The following ODF2 variants were observed in gnomAD, a reference collection of about 807,000 sequenced individuals.
ODF2 encodes outer dense fiber of sperm tails 2.
A neutral mutation model predicts 110.2 loss-of-function variants in ODF2; 47 were observed. The observed-to-expected ratio is 0.43, with a 90% CI of 0.34 to 0.54. The LOEUF (loss-of-function observed/expected upper bound fraction) is 0.54. ODF2 is among the 20% of genes least tolerant of loss of function. The pLI, the probability that ODF2 is intolerant of heterozygous loss-of-function variation, is 0.03. For synonymous variants in ODF2, 352 were observed against 397.7 expected (o/e 0.89, Z 1.37); for missense variants, 812 against 1,054.5 (o/e 0.77, Z 3.19).
At chr9:128,482,523 G>C (rs1006180414) in intron 9 of ODF2, among the ~76,000 whole-genome samples, 1 of 151,992 alleles carries the variant, frequency 6.6e-6, no homozygotes, top group Non-Finnish European at 1.5e-5. Context: ...GCATTAACTG[G>C]TTATCTCTGC....
At chr9:128,495,914 T>C in intron 17 of ODF2, 127 bp from the exon 18 acceptor site, 1 of 1,096,080 alleles carries the variant, frequency 9.1e-7, no homozygotes, top group Non-Finnish European at 1.3e-6. Context: ...AGGTTGTGCG[T>C]TGAGACTTGG....
chr9:128,460,886 G>T (rs1408962773), intron 3 of ODF2, 56 bp from the exon 4 acceptor site: 4 of 1,611,924 alleles, frequency 2.5e-6, no homozygotes, highest in Non-Finnish European at 3.4e-6. Flanking sequence ...TGTCACTAGC[G>T]TGGCACCGTG....
chr9:128,459,559 G>C lies in ODF2; in HGVS notation c.33-8G>C. On this transcript the variant is annotated splice_region_variant and splice_polypyrimidine_tract_variant and intron_variant, in intron 2 of 20. Transcript: ENST00000604420. ...TGCTTACAATCTGGTTCTTGTGCCT[G>C]GGTGCAGGTTTCCATCGTGTGGGAA... 1 of 1,612,024 alleles carries C rather than the reference G, an allele frequency of 6.2e-7. No homozygotes were observed. The highest frequency in any genetic ancestry group is 1.1e-5 in the South Asian group (1 of 90,782).
Position 128,494,910 on chromosome 9 carries a change from G to T in ODF2, c.1911+242G>T. On this transcript the variant is annotated intron_variant, in intron 17 of 20. Transcript: ENST00000604420. This position sits in a 1 kb window ranked among gnomAD's most constrained non-coding sequence, Gnocchi z 4.6. ...CGTGGAGTCACTGGGCCCTCCTGCT[G>T]TTGCCCCCACCCAAGACTGCTGCCT... 1.5e-6 allele frequency: 2 copies of T among 1,337,042 alleles called. No individual in the cohort carries two copies. The highest frequency in any genetic ancestry group is 1.5e-5 in the South Asian group (1 of 65,822). The allele number at this position is 1,337,042 out of a possible 1,614,324, so 82.8% of individuals were successfully genotyped here.
chr9:128,498,570 A>G lies in ODF2; in HGVS notation c.2170A>G (p.Arg724Gly), dbSNP rs767653816. ...GGAGAGTGCCATTGAAGATGCGAGG[A>G]GGCAGGTCAGTCCCGATTTCATGAA... The change falls in exon 19 of 21, where the codon AGG becomes GGG. Residue 724 changes from arginine to glycine, a missense_variant. Physicochemically the swap from Arg to Gly is moderately radical, Grantham distance 125. Transcript: ENST00000604420. The G allele has an allele frequency of 1.5e-5, 24 of 1,552,518 alleles. No homozygotes were observed. The highest frequency in any genetic ancestry group is 6.8e-5 in the East Asian group (3 of 44,118).
intron 1 of ODF2, 100 bp downstream of exon 1, chr9:128,456,355 C>A: frequency 7.0e-7 from 1 of 1,434,492 alleles, no homozygotes; most frequent in Non-Finnish European, 9.1e-7. Flanking sequence ...GCGGGGCCGT[C>A]GGGTCCTGGG....
chr9:128,459,349 AAGTCC>A (rs1835799501), intron 2 of ODF2, among the ~76,000 whole-genome samples: 1 of 152,102 alleles, frequency 6.6e-6, no homozygotes, highest in South Asian at 2.1e-4. Context: ...GATATGTTAA[AAGTCC>A]AGCCTGCAAA....
chr9:128,485,508 T>G lies in ODF2; in HGVS notation c.1400+34T>G. The G allele has an allele frequency of 8.2e-7, 1 of 1,224,286 alleles. No individual in the cohort carries two copies. The highest frequency in any genetic ancestry group is 1.2e-6 in the Non-Finnish European group (1 of 832,278). The allele number at this position is 1,224,286 out of a possible 1,614,324, so 75.8% of individuals were successfully genotyped here. On this transcript the variant is annotated intron_variant, in intron 13 of 20. Transcript: ENST00000604420. This position sits in a 1 kb window ranked among gnomAD's most constrained non-coding sequence, Gnocchi z 5.0. ...TAGAGTAGGAGAGGGAATGTGGCGCTGTTGAGGGACTTGGGTGTGCAGGTG... is the reference window on the plus strand; with the variant it reads ...TAGAGTAGGAGAGGGAATGTGGCGCGGTTGAGGGACTTGGGTGTGCAGGTG...
At chr9:128,496,740 A>G (rs558393922) in intron 18 of ODF2, among the ~76,000 whole-genome samples, 13 of 151,504 alleles carry the variant, frequency 8.6e-5, no homozygotes, top group East Asian at 3.9e-4. Context: ...CTATCTATCT[A>G]TCATCTATCT....
intron 14 of ODF2, among the ~76,000 whole-genome samples, chr9:128,489,257 A>AT (rs1694424416): frequency 1.3e-5 from 2 of 152,082 alleles, no homozygotes; most frequent in East Asian, 1.9e-4. Context: ...ATCTAGCTTT[A>AT]TTTTTTCACT....
chr9:128,465,844 G>C (rs1446914902), intron 4 of ODF2, among the ~76,000 whole-genome samples: 1 of 151,550 alleles, frequency 6.6e-6, no homozygotes, highest in East Asian at 2.0e-4. Flanking sequence ...AAAATTTCTT[G>C]TTGAAAAGTA....
At chr9:128,458,719 G>A (rs993143363) in intron 2 of ODF2, among the ~76,000 whole-genome samples, 12 of 151,760 alleles carry the variant, frequency 7.9e-5, no homozygotes, top group African/African-American at 2.9e-4. Flanking sequence ...GATAGCAAGT[G>A]GAATATTTTG....
In ODF2 at chr9:128,469,504, G is replaced by A. The variant is rs968821366; in HGVS notation, c.420+151G>A. On this transcript the variant is annotated intron_variant, in intron 5 of 20. Coordinates refer to ENST00000604420, the Ensembl canonical transcript of ODF2. ...CGGGCTTCAGTTGCCTGCCCCGGGA[G>A]GTAGCTGGGGCAGCATGGGATCCCA... The A allele has an allele frequency of 1.1e-5, 8 of 729,288 alleles. No individual in the cohort carries two copies. In the East Asian group the frequency reaches 2.0e-4, roughly 18 times the overall value. 45.2% of individuals were successfully genotyped at this position (729,288 alleles called of 1,614,324 possible).
intron 4 of ODF2, chr9:128,461,461 C>G: frequency 5.9e-6 from 1 of 170,148 alleles, no homozygotes; most frequent in Non-Finnish European, 1.3e-5. Context: ...CTCTGTCGCC[C>G]AGGCTGGAGT....
At chr9:128,459,813 G>A (rs1835944943) in intron 3 of ODF2, among the ~76,000 whole-genome samples, 156 bp downstream of exon 2, 1 of 152,026 alleles carries the variant, frequency 6.6e-6, no homozygotes, top group African/African-American at 2.4e-5. Context: ...TTTTAATTAT[G>A]ATCATCATTT....
intron 4 of ODF2, among the ~76,000 whole-genome samples, chr9:128,467,625 A>T (rs111973631): frequency 0.073 from 11,060 of 151,350 alleles, 545 homozygotes; most frequent in Middle Eastern, 0.12. Context: ...GGTGCCTGTT[A>T]TCCCAGCTAG....
chr9:128,455,943 C>A, upstream of ODF2: 2 of 1,404,056 alleles, frequency 1.4e-6, no homozygotes, highest in Non-Finnish European at 1.8e-6. Flanking sequence ...CGGCCAGGCC[C>A]GCTGGACGCG....
chr9:128,473,431 C>T (rs1840520116), intron 7 of ODF2, 179 bp from the exon 8 acceptor site: 4 of 687,912 alleles, frequency 5.8e-6, no homozygotes, highest in Non-Finnish European at 7.2e-6. Flanking sequence ...GCAGACTTAG[C>T]TCCTGCTTGT....
chr9:128,482,745 A>G, intron 9 of ODF2, 71 bp from the exon 10 acceptor site: 2 of 1,232,958 alleles, frequency 1.6e-6, no homozygotes, highest in Non-Finnish European at 2.3e-6. Context: ...GTACTCACAA[A>G]TCTCTGTCCT....
Sources: allele counts gnomAD v4.1 joint callset (sites outside exome capture counted in the v4.1 genomes callset), GRCh38; gene constraint gnomAD v4.1.1; non-coding constraint Gnocchi (gnomAD v3.1); transcripts MANE v1.5; gene names NCBI Gene and HGNC (gene_info 2026-07-23, HGNC 2026-07-21).